ACTN2: variants seen among roughly 807,000 people sequenced by gnomAD.
ACTN2 encodes the protein actinin alpha 2, also known as alpha-actinin-2.
Under a neutral mutation model 113.8 loss-of-function variants are expected in ACTN2, and 39 were observed. That is an observed-to-expected ratio of 0.34 (90% confidence interval 0.27 to 0.45). The LOEUF (loss-of-function observed/expected upper bound fraction) is 0.45. Among genes scored for constraint, ACTN2 ranks in the 20% least tolerant of loss-of-function variants. ACTN2 has a pLI of 1.00. For missense variants in ACTN2, 992 were observed against 1,177.9 expected (o/e 0.84, Z 2.31); for synonymous variants, 429 against 444.1 (o/e 0.97, Z 0.43).
Position 236,764,140 on chromosome 1 carries a change from T to G in ACTN2, c.*1521T>G, listed in dbSNP as rs965149351. ...AAGCTGTCTGACAGCTTGACTCTTC[T>G]TCCTACACTGGGCCATTTAGAACCT... is the stretch of plus-strand genomic sequence containing the variant. On this transcript the variant is annotated 3_prime_UTR_variant, in exon 21 of 21. Coordinates refer to ENST00000366578, the MANE Select transcript of ACTN2 (RefSeq NM_001103.4). The G allele has an allele frequency of 1.4e-4, 21 of 152,224 alleles. No individual in the cohort carries two copies. Among genetic ancestry groups the G allele is most frequent in the African/African-American group, 4.8e-4 (20 of 41,456 alleles). 9.4% of individuals were successfully genotyped at this position (152,224 alleles called of 1,614,324 possible).
chr1:236,736,968 G>A, intron 8 of ACTN2, 154 bp from the exon 9 acceptor site: 2 of 671,540 alleles, frequency 3.0e-6, no homozygotes, highest in Non-Finnish European at 5.5e-6. Context: ...GTACGCATAA[G>A]CCATGCCTTC....
At chr1:236,699,093 G>T (rs1657601672) in intron 1 of ACTN2, among the ~76,000 whole-genome samples, 2 of 152,146 alleles carry the variant, frequency 1.3e-5, no homozygotes, top group Non-Finnish European at 2.9e-5. Context: ...GGTAGAGCTG[G>T]ATTTCAGATC....
In ACTN2 at chr1:236,716,899, A is replaced by T. The variant is rs977107359; in HGVS notation, c.127-959A>T. On this transcript the variant is annotated intron_variant, in intron 1 of 20. Transcript: ENST00000366578. ...ACCCAGACTGGAGTGCAGTAGTATG[A>T]TCTTGGCTTGCTGCAACCTCCGCCT... 2.3e-5 allele frequency among the ~76,000 whole-genome samples: 3 copies of T among 132,358 alleles called. No individual in the cohort carries two copies. The Admixed American group carries it at 2.7e-4, about 12-fold the overall frequency. 86.8% of individuals were successfully genotyped at this position (132,358 alleles called of 152,430 possible).
Position 236,742,938 on chromosome 1 carries a change from G to C in ACTN2, c.1150G>C (p.Gly384Arg). 6.2e-7 allele frequency: 1 copy of C among 1,614,192 alleles called. No homozygotes were observed. Among genetic ancestry groups the C allele is most frequent in the South Asian group, 1.1e-5 (1 of 91,088 alleles). The change falls in exon 11 of 21, where the codon GGT becomes CGT. Residue 384 changes from glycine (G) to arginine (R), a missense_variant. By Grantham distance (125) the Gly-to-Arg change is moderately radical (BLOSUM62 -2). Around this residue, in one of 3 missense-constraint regions of ACTN2, gnomAD observed 736 missense variants for 815.4 expected, o/e 0.90. Coordinates refer to ENST00000366578, the MANE Select transcript of ACTN2 (RefSeq NM_001103.4). ...AWQRLEQAEK[G>R]YEEWLLNEIR... ...GCAGAGGCTGGAGCAGGCTGAGAAG[G>C]GTTACGAGGAGTGGTTGCTCAATGA...
Position 236,754,603 on chromosome 1 carries a change from T to C in ACTN2, c.1975-416T>C, listed in dbSNP as rs1659498949. Among the ~76,000 whole-genome samples, 1 of 152,156 alleles carries C rather than the reference T, an allele frequency of 6.6e-6. No individual in the cohort carries two copies. Among genetic ancestry groups the C allele is most frequent in the South Asian group, 2.1e-4 (1 of 4,822 alleles). On this transcript the variant is annotated intron_variant, in intron 16 of 20. Transcript: ENST00000366578. This position sits in a 1 kb window ranked among gnomAD's most constrained non-coding sequence, Gnocchi z 4.9. ...CTTTTTTCTTAAAGCGGAGACCATG[T>C]AAAAATATAAGAAATTCTGATGGAG...
At position 236,761,024 on chromosome 1, in the gene ACTN2, G is replaced by A. The variant is rs145450474; in HGVS notation, c.2377G>A (p.Glu793Lys). Reference sequence around the variant, plus strand: ...TGCCACTTTGCCCCAGGGTGAAGCCGAATTTGCCCGCATTATGACCCTGGT... The same window carrying A: ...TGCCACTTTGCCCCAGGGTGAAGCCAAATTTGCCCGCATTATGACCCTGGT... ...ISMGYDLGEA[E>K]FARIMTLVDP... Residue 793 changes from glutamate (E) to lysine (K), a missense_variant, in exon 20 of 21, where the codon GAA (glutamate) becomes AAA (lysine). Transcript: ENST00000366578. 3.7e-6 allele frequency: 6 copies of A among 1,614,058 alleles called. No homozygotes were observed. The highest frequency in any genetic ancestry group is 2.7e-5 in the African/African-American group (2 of 74,914).
intron 7 of ACTN2, among the ~76,000 whole-genome samples, chr1:236,735,357 T>C (rs764082184): frequency 1.8e-4 from 27 of 152,058 alleles, no homozygotes; most frequent in Non-Finnish European, 3.1e-4. Flanking sequence ...TGTGAAAGCA[T>C]TGAATGCACC....
At chr1:236,689,956 A>G (rs1666021297) in intron 1 of ACTN2, among the ~76,000 whole-genome samples, 1 of 152,220 alleles carries the variant, frequency 6.6e-6, no homozygotes, top group African/African-American at 2.4e-5. Context: ...GGGAGGCTAG[A>G]GCAGACCTTT....
intron 1 of ACTN2, among the ~76,000 whole-genome samples, chr1:236,690,296 CTGCTGATTTAGAGCACAAGG>C (rs1473016945): frequency 2.6e-5 from 4 of 152,174 alleles, no homozygotes; most frequent in African/African-American, 9.7e-5. Context: ...TGGGCAGCAG[CTGCTGATTTAGAGCACAAGG>C]TGAAGGCTCT....
chr1:236,737,293 G>C, intron 9 of ACTN2, 79 bp downstream of exon 9: 1 of 423,148 alleles, frequency 2.4e-6, no homozygotes, highest in Middle Eastern at 6.0e-4. Context: ...AATACTCCGT[G>C]GGGGCATATA....
chr1:236,753,815 C>A, intron 15 of ACTN2, 132 bp from the exon 16 acceptor site: 1 of 1,140,988 alleles, frequency 8.8e-7, no homozygotes, highest in Admixed American at 1.7e-5. Flanking sequence ...TCTTCCTTCC[C>A]CCTACACCCT....
At chr1:236,692,844 C>T (rs765549389) in intron 1 of ACTN2, among the ~76,000 whole-genome samples, 1 of 152,074 alleles carries the variant, frequency 6.6e-6, no homozygotes, top group African/African-American at 2.4e-5. Flanking sequence ...ACTTAATTAA[C>T]GCAGCCTCAG....
chr1:236,760,720 C>A (rs1042943833), intron 19 of ACTN2, among the ~76,000 whole-genome samples: 1 of 152,230 alleles, frequency 6.6e-6, no homozygotes, highest in Admixed American at 6.5e-5. Flanking sequence ...TTGACCTCCT[C>A]TTCCATAATT....
At chr1:236,710,059 G>T (rs1435666850) in intron 1 of ACTN2, among the ~76,000 whole-genome samples, 1 of 152,196 alleles carries the variant, frequency 6.6e-6, no homozygotes, top group Non-Finnish European at 1.5e-5. Flanking sequence ...ATAATTCACT[G>T]ATAAGTGAAA....
In ACTN2 at chr1:236,725,946, A is replaced by G; in HGVS notation, c.462A>G (p.Lys154=). The G allele has an allele frequency of 1.9e-6, 3 of 1,614,192 alleles. No homozygotes were observed. The highest frequency in any genetic ancestry group is 2.5e-6 in the Non-Finnish European group (3 of 1,180,008). Reference sequence around the variant, plus strand: ...CTGTCATTACAGAAACATCTGCCAAAGAAGGTCTGCTGCTTTGGTGTCAGA... The same window carrying G: ...CTGTCATTACAGAAACATCTGCCAAGGAAGGTCTGCTGCTTTGGTGTCAGA... ...QDISVEETSA[K]EGLLLWCQRK... Residue 154 remains lysine, a synonymous_variant, in exon 5 of 21, where the codon AAA becomes AAG. Coordinates refer to ENST00000366578, the MANE Select transcript of ACTN2 (RefSeq NM_001103.4).
intron 4 of ACTN2, among the ~76,000 whole-genome samples, chr1:236,721,000 C>T (rs1658366939): frequency 9.9e-6 from 1 of 100,554 alleles, no homozygotes; most frequent in East Asian, 3.2e-4. Flanking sequence ...ACAGTAGCCT[C>T]TGACTCTGGT....
chr1:236,737,092 G>C (rs747011924), intron 8 of ACTN2, 30 bp from the exon 9 acceptor site: 2 of 1,576,350 alleles, frequency 1.3e-6, no homozygotes, highest in Admixed American at 3.4e-5. Flanking sequence ...CGTCGACAGA[G>C]CCGTCCTGTT....
Position 236,686,510 on chromosome 1 carries a change from T to G in ACTN2, c.-164T>G. ...AGCTGCTCGCAGCCGGAGCTGGTGCTTCGCCCGAGACCCAGCGCCCAGGCG... is the reference window on the plus strand; with the variant it reads ...AGCTGCTCGCAGCCGGAGCTGGTGCGTCGCCCGAGACCCAGCGCCCAGGCG... On this transcript the variant is annotated 5_prime_UTR_variant, in exon 1 of 21. Coordinates refer to ENST00000366578, the MANE Select transcript of ACTN2 (RefSeq NM_001103.4). 1.4e-6 allele frequency: 1 copy of G among 707,694 alleles called. No individual in the cohort carries two copies. The highest frequency in any genetic ancestry group is 1.9e-6 in the Non-Finnish European group (1 of 526,916). The allele number at this position is 707,694 out of a possible 1,614,324, so 43.8% of individuals were successfully genotyped here.
chr1:236,743,584 T>C (rs76933413), intron 11 of ACTN2, among the ~76,000 whole-genome samples: 1 of 149,958 alleles, frequency 6.7e-6, no homozygotes, highest in East Asian at 1.9e-4. Flanking sequence ...TTTTTTTTTT[T>C]AGCTGTCTCC....
Sources: allele counts gnomAD v4.1 joint callset (sites outside exome capture counted in the v4.1 genomes callset), GRCh38; gene constraint gnomAD v4.1.1; regional missense constraint gnomAD v4.1.1; non-coding constraint Gnocchi (gnomAD v3.1); transcripts MANE v1.5; gene names NCBI Gene and HGNC (gene_info 2026-07-23, HGNC 2026-07-21).